ZNF385B: variants seen among roughly 807,000 people sequenced by gnomAD.
ZNF385B encodes the protein zinc finger protein 385B.
In ZNF385B, 23 loss-of-function variants were observed where a neutral mutation model predicts 39.2. The ratio of observed to expected loss-of-function variants is 0.59; its 90% CI spans 0.42 to 0.83. The LOEUF (loss-of-function observed/expected upper bound fraction) is 0.83. Ranked by LOEUF, ZNF385B falls within the 40% of genes least tolerant of loss-of-function variation. The pLI is 0.00. For synonymous variants in ZNF385B, 205 were observed against 222.6 expected (o/e 0.92, Z 0.70); for missense variants, 552 against 598.9 (o/e 0.92, Z 0.82).
At chr2:179,530,219 C>T (rs1354845953) in intron 4 of ZNF385B, among the ~76,000 whole-genome samples, 1 of 152,076 alleles carries the variant, frequency 6.6e-6, no homozygotes. Flanking sequence ...AATTAAATTT[C>T]CATAACATAA....
At chr2:179,699,670 C>T (rs1699031033) in intron 3 of ZNF385B, among the ~76,000 whole-genome samples, 1 of 152,164 alleles carries the variant, frequency 6.6e-6, no homozygotes, top group South Asian at 2.1e-4. Context: ...CACATGACAA[C>T]CCTGATCCAC....
intron 3 of ZNF385B, among the ~76,000 whole-genome samples, chr2:179,578,043 A>G (rs569715441): frequency 6.6e-6 from 1 of 152,158 alleles, no homozygotes; most frequent in Non-Finnish European, 1.5e-5. Flanking sequence ...ACTTTCCTCA[A>G]CTAGTGACAG....
intron 3 of ZNF385B, among the ~76,000 whole-genome samples, chr2:179,766,288 A>G (rs183831717): frequency 6.6e-6 from 1 of 152,202 alleles, no homozygotes; most frequent in Admixed American, 6.5e-5. Context: ...GAAGAGGGGA[A>G]GTCACCTCTT....
At chr2:179,480,888 C>A (rs2053918564) in intron 6 of ZNF385B, 1 of 152,010 alleles carries the variant, frequency 6.6e-6, no homozygotes, top group African/African-American at 2.4e-5. Context: ...AATGAGATAA[C>A]CTCCAAATAT....
intron 1 of ZNF385B, among the ~76,000 whole-genome samples, chr2:179,819,839 C>T (rs1431649427): frequency 6.6e-6 from 1 of 152,148 alleles, no homozygotes; most frequent in African/African-American, 2.4e-5. Context: ...GGTTTACAGA[C>T]TTTCTGGACA....
chr2:179,472,344 A>C (rs2052862906), intron 6 of ZNF385B, among the ~76,000 whole-genome samples: 1 of 152,236 alleles, frequency 6.6e-6, no homozygotes, highest in African/African-American at 2.4e-5. Flanking sequence ...TATATGAATT[A>C]ATTTCCAAAT....
intron 3 of ZNF385B, among the ~76,000 whole-genome samples, chr2:179,571,071 T>C (rs1685156184): frequency 6.6e-6 from 1 of 152,236 alleles, no homozygotes; most frequent in African/African-American, 2.4e-5. Context: ...GTAGAATATA[T>C]AGTGATATTA....
intron 3 of ZNF385B, among the ~76,000 whole-genome samples, chr2:179,562,171 G>A (rs888552696): frequency 1.3e-5 from 2 of 152,122 alleles, no homozygotes; most frequent in Non-Finnish European, 2.9e-5. Context: ...CAGTTACCTC[G>A]TCATTATAGT....
At chr2:179,527,312 T>C (rs934843006) in intron 4 of ZNF385B, among the ~76,000 whole-genome samples, 3 of 152,196 alleles carry the variant, frequency 2.0e-5, no homozygotes, top group African/African-American at 7.2e-5. Context: ...ATTTCATTTT[T>C]TTCCTCTGTT....
intron 3 of ZNF385B, among the ~76,000 whole-genome samples, chr2:179,732,911 T>C (rs948494727): frequency 1.3e-5 from 2 of 152,214 alleles, no homozygotes; most frequent in Non-Finnish European, 2.9e-5. Flanking sequence ...TTCCTTTATT[T>C]TTTAATATGG....
At chr2:179,778,006 A>C (rs1439964173) in intron 1 of ZNF385B, among the ~76,000 whole-genome samples, 1 of 152,046 alleles carries the variant, frequency 6.6e-6, no homozygotes, top group Non-Finnish European at 1.5e-5. Context: ...CCTGACCTCA[A>C]GTGATCTGCC....
rs192966135 is a variant in ZNF385B at position 179,530,691 on chromosome 2, T to A, written c.442-12053A>T. On this transcript the variant is annotated intron_variant, in intron 4 of 9. Transcript: ENST00000410066. ...CAAAAGAGAAACCTGGACCTTTGAA[T>A]ATATTTCTGTTCGAATATATTTCTT... is the stretch of plus-strand genomic sequence containing the variant. Among the ~76,000 whole-genome samples the A allele has an allele frequency of 7.9e-3, 1,208 of 152,300 alleles. 11 individuals carry two copies. Among genetic ancestry groups the A allele is most frequent in the Non-Finnish European group, 0.011 (734 of 68,016 alleles).
Position 179,482,918 on chromosome 2 carries a change from A to G in ZNF385B, c.715+354T>C, listed in dbSNP as rs1293011380. Among the ~76,000 whole-genome samples the G allele has an allele frequency of 2.0e-5, 3 of 152,080 alleles. 1 individual carries two copies. The highest frequency in any genetic ancestry group is 2.0e-4 in the Admixed American group (3 of 15,252). ...AAGTCTATAGTAAAAAACACACATA[A>G]AATAAATAGAAAGAAGTAATAAGCT... On this transcript the variant is annotated intron_variant, in intron 6 of 9. Transcript: ENST00000410066.
chr2:179,716,627 A>C (rs994884628), intron 3 of ZNF385B, among the ~76,000 whole-genome samples: 2 of 152,230 alleles, frequency 1.3e-5, no homozygotes, highest in African/African-American at 4.8e-5. Flanking sequence ...AAGGTAGTCT[A>C]ATTCCTCTCT....
chr2:179,453,244 C>T (rs1327327257), intron 6 of ZNF385B, among the ~76,000 whole-genome samples: 8 of 151,966 alleles, frequency 5.3e-5, no homozygotes, highest in East Asian at 3.9e-4. Context: ...AAAAGGATAC[C>T]GAACGAGACT....
chr2:179,488,131 C>T (rs1456362858), intron 5 of ZNF385B, among the ~76,000 whole-genome samples: 1 of 152,008 alleles, frequency 6.6e-6, no homozygotes, highest in Non-Finnish European at 1.5e-5. Flanking sequence ...TGATTTTTAC[C>T]TTACTTATTT....
intron 9 of ZNF385B, among the ~76,000 whole-genome samples, 174 bp from the exon 10 acceptor site, chr2:179,443,642 G>A (rs1044666678): frequency 4.6e-5 from 7 of 152,206 alleles, no homozygotes; most frequent in African/African-American, 1.7e-4. Context: ...AGTGGCTCAT[G>A]GCATAGCTTT....
chr2:179,717,357 T>C (rs1190309396), intron 3 of ZNF385B, among the ~76,000 whole-genome samples: 1 of 152,194 alleles, frequency 6.6e-6, no homozygotes, highest in African/African-American at 2.4e-5. Flanking sequence ...CCCTGCTTAA[T>C]GGCAGCACTT....
At chr2:179,631,341 C>G (rs559372022) in intron 3 of ZNF385B, among the ~76,000 whole-genome samples, 1 of 152,240 alleles carries the variant, frequency 6.6e-6, no homozygotes, top group African/African-American at 2.4e-5. Context: ...ACCCTACAAG[C>G]CAGAAGAGAG....
Sources: gnomAD v4.1 joint callset for allele counts (sites outside exome capture counted in the v4.1 genomes callset) on GRCh38, gnomAD v4.1.1 for gene constraint, MANE v1.5 for transcripts, NCBI Gene and HGNC (gene_info 2026-07-23, HGNC 2026-07-21) for gene names.